CBLB: variants seen among roughly 807,000 people sequenced by gnomAD.
The protein encoded by CBLB is Cbl proto-oncogene B, also known as E3 ubiquitin-protein ligase CBL-B.
In CBLB, 31 loss-of-function variants were observed where a neutral mutation model predicts 104.9. The observed-to-expected ratio is 0.30, with a 90% confidence interval of 0.22 to 0.40. The LOEUF is 0.40. Among genes scored for constraint, CBLB ranks in the 10% least tolerant of loss-of-function variants. The pLI, the probability that CBLB is intolerant of heterozygous loss-of-function variation, is 1.00. For synonymous variants in CBLB, 440 were observed against 422.6 expected, an observed-to-expected ratio of 1.04 and a Z score of -0.51; for missense variants, 1,062 against 1,214.6, an observed-to-expected ratio of 0.87 and a Z score of 1.87.
At chr3:105,787,054 T>C (rs1461996744) in intron 3 of CBLB, among the ~76,000 whole-genome samples, 1 of 152,220 alleles carries the variant, frequency 6.6e-6, no homozygotes, top group African/African-American at 2.4e-5. Flanking sequence ...GGTAGTTTTT[T>C]TCTTTCAAAA....
intron 18 of CBLB, 64 bp from the exon 19 acceptor site, chr3:105,659,293 A>G (rs1297196850): frequency 7.9e-6 from 11 of 1,394,340 alleles, no homozygotes; most frequent in African/African-American, 4.2e-5. Flanking sequence ...GCAAGATAAC[A>G]TAACAGCATT....
chr3:105,831,446 C>A (rs1473971217), intron 3 of CBLB, among the ~76,000 whole-genome samples: 2 of 152,222 alleles, frequency 1.3e-5, no homozygotes, highest in Non-Finnish European at 2.9e-5. Context: ...TTGTGAGCTT[C>A]CCTCAAGTAG....
In CBLB at chr3:105,709,435, T is replaced by C. The variant is rs2070733479; in HGVS notation, c.1408-5262A>G. Among the ~76,000 whole-genome samples the C allele has an allele frequency of 2.0e-5, 3 of 151,844 alleles. No homozygotes were observed. The South Asian group carries it at 6.2e-4, about 31-fold the overall frequency. Reference sequence around the variant, plus strand: ...TCTCTCTTCATTATAAAGAACATAATTTCACTCTAGGAAATTTTGGAATTA... The same window carrying C: ...TCTCTCTTCATTATAAAGAACATAACTTCACTCTAGGAAATTTTGGAATTA... On this transcript the variant is annotated intron_variant, in intron 10 of 18. Transcript: ENST00000394030.
At chr3:105,789,944 T>C (rs914900627) in intron 3 of CBLB, among the ~76,000 whole-genome samples, 11 of 152,184 alleles carry the variant, frequency 7.2e-5, no homozygotes, top group African/African-American at 2.7e-4. Flanking sequence ...TTCATTACAA[T>C]ACTTTTAAGA....
chr3:105,682,673 A>AT (rs1350120025), intron 14 of CBLB, among the ~76,000 whole-genome samples: 4 of 151,930 alleles, frequency 2.6e-5, no homozygotes, highest in East Asian at 1.9e-4. Flanking sequence ...CGCCCAGCCA[A>AT]TTTTTTTTAT....
intron 4 of CBLB, among the ~76,000 whole-genome samples, chr3:105,771,035 G>A (rs550209463): frequency 2.0e-4 from 30 of 152,250 alleles, no homozygotes; most frequent in African/African-American, 5.1e-4. Flanking sequence ...GGAATCCTCC[G>A]TAAATCATTC....
intron 2 of CBLB, among the ~76,000 whole-genome samples, chr3:105,862,966 C>T (rs2092215232): frequency 6.6e-6 from 1 of 152,184 alleles, no homozygotes. Context: ...GCACTTACTA[C>T]ATTTTACTCT....
intron 16 of CBLB, among the ~76,000 whole-genome samples, chr3:105,679,414 C>T (rs1451349474): frequency 1.4e-5 from 2 of 141,300 alleles, no homozygotes; most frequent in Non-Finnish European, 3.0e-5. Context: ...ACAGGGTATA[C>T]ATAAACACAT....
At chr3:105,786,064 G>GGGGA (rs1553794704) in intron 3 of CBLB, among the ~76,000 whole-genome samples, 1 of 139,074 alleles carries the variant, frequency 7.2e-6, no homozygotes. Context: ...AGAGGATCGG[G>GGGGA]GGGGGGAAAG....
At chr3:105,755,644 A>C (rs2077022469) in intron 4 of CBLB, among the ~76,000 whole-genome samples, 1 of 152,234 alleles carries the variant, frequency 6.6e-6, no homozygotes, top group South Asian at 2.1e-4. Flanking sequence ...GGGTGTTTGC[A>C]AACAGGAACT....
intron 2 of CBLB, 21 bp downstream of exon 2, chr3:105,867,389 G>A (rs747183605): frequency 6.2e-7 from 1 of 1,611,676 alleles, no homozygotes; most frequent in Admixed American, 1.7e-5. Flanking sequence ...TTTCGCACAG[G>A]CAACGTCAGA....
At chr3:105,837,321 G>A (rs527587991) in intron 3 of CBLB, among the ~76,000 whole-genome samples, 2 of 152,362 alleles carry the variant, frequency 1.3e-5, no homozygotes, top group East Asian at 3.9e-4. Flanking sequence ...GACTATTCAT[G>A]TCGAAAGCAT....
chr3:105,824,013 C>T (rs556310639), intron 3 of CBLB, among the ~76,000 whole-genome samples: 11 of 152,312 alleles, frequency 7.2e-5, no homozygotes, highest in Admixed American at 2.0e-4. Context: ...TCTCACCTTT[C>T]CTACTTCACC....
intron 3 of CBLB, among the ~76,000 whole-genome samples, chr3:105,809,550 C>T (rs2083987802): frequency 6.6e-6 from 1 of 152,140 alleles, no homozygotes. Context: ...AAAACAATAA[C>T]CTCATTACCA....
At chr3:105,749,205 A>G (rs1250432435) in intron 5 of CBLB, among the ~76,000 whole-genome samples, 1 of 152,216 alleles carries the variant, frequency 6.6e-6, no homozygotes, top group Non-Finnish European at 1.5e-5. Flanking sequence ...GCATTTGATT[A>G]CAGCATAGAA....
chr3:105,678,524 G>A lies in CBLB; in HGVS notation c.2476C>T (p.Pro826Ser). 1 of 1,613,860 alleles carries A rather than the reference G, an allele frequency of 6.2e-7. No homozygotes were observed. The highest frequency in any genetic ancestry group is 8.5e-7 in the Non-Finnish European group (1 of 1,179,758). Residue 826 changes from proline (P) to serine (S), a missense_variant, in exon 17 of 19, where the codon CCT becomes TCT. Physicochemically the swap from Pro to Ser is moderately conservative, Grantham distance 74 (BLOSUM62 -1). This residue lies in a region of CBLB where 605 missense variants were observed against 582.6 expected (regional missense o/e 1.04). Transcript: ENST00000394030. ...TCAATGAGACTATGCCTTGCAGGAG[G>A]TGGGGGAGGTGGGAGAGATGGAGGG... ...ALPPSLPPPP[P>S]PARHSLIEHS... is the part of the protein sequence containing the mutation.
intron 18 of CBLB, among the ~76,000 whole-genome samples, chr3:105,666,962 C>T (rs2064535206): frequency 6.6e-6 from 1 of 152,144 alleles, no homozygotes; most frequent in Admixed American, 6.6e-5. Flanking sequence ...AAAATTCCAA[C>T]CCTTGCGTGA....
At chr3:105,804,638 C>T (rs2083291625) in intron 3 of CBLB, among the ~76,000 whole-genome samples, 1 of 151,032 alleles carries the variant, frequency 6.6e-6, no homozygotes, top group African/African-American at 2.4e-5. Context: ...ATTATATTTG[C>T]TTATTTTTAT....
Position 105,704,060 on chromosome 3 carries a change from C to A in CBLB, c.1521G>T (p.Val507=). The A allele has an allele frequency of 1.9e-6, 3 of 1,614,090 alleles. No homozygotes were observed. In the South Asian group the frequency reaches 3.3e-5, roughly 18 times the overall value. Residue 507 remains valine, a synonymous_variant, in exon 11 of 19, where the codon GTG becomes GTT. Coordinates refer to ENST00000394030, the MANE Select transcript of CBLB (RefSeq NM_170662.5). ...TCTGAATTAGATCCAGGCGAGGAGG[C>A]ACGGGTGGCAGGCTTAGATGTGGGA... is the stretch of plus-strand genomic sequence containing the variant. ...LQIPHLSLPP[V]PPRLDLIQKG...
Sources: gnomAD v4.1 joint callset for allele counts (sites outside exome capture counted in the v4.1 genomes callset) on GRCh38, gnomAD v4.1.1 for gene constraint, gnomAD v4.1.1 regional missense constraint, MANE v1.5 for transcripts, NCBI Gene and HGNC (gene_info 2026-07-23, HGNC 2026-07-21) for gene names.